The following CLCA1 variants were observed in gnomAD, a reference collection of about 807,000 sequenced individuals.
CLCA1 encodes calcium-activated chloride channel regulator 1.
CLCA1 carries 59 observed loss-of-function variants against 85.6 expected under a neutral mutation model. The ratio of observed to expected loss-of-function variants is 0.69; its 90% CI spans 0.56 to 0.86. The LOEUF (loss-of-function observed/expected upper bound fraction) is 0.86, where lower values mean the gene tolerates loss of function less well. Ranked by LOEUF, CLCA1 falls within the 40% of genes least tolerant of loss-of-function variation. CLCA1 has a pLI of 0.00. For missense variants in CLCA1, 1,022 were observed against 1,101.4 expected (o/e 0.93, Z 1.02); for synonymous variants, 396 against 398.3 (o/e 0.99, Z 0.07).
At chr1:86,476,720 A>G (rs1227709761) in intron 4 of CLCA1, among the ~76,000 whole-genome samples, 167 bp downstream of exon 4, 1 of 152,082 alleles carries the variant, frequency 6.6e-6, no homozygotes, top group Non-Finnish European at 1.5e-5. Context: ...TGTTTACTTT[A>G]CAAGTGCTTC....
intron 2 of CLCA1, 55 bp from the exon 3 acceptor site, chr1:86,473,674 G>A: frequency 6.6e-7 from 1 of 1,509,166 alleles, no homozygotes; most frequent in Non-Finnish European, 9.0e-7. Context: ...GTACGAATAT[G>A]GTTAATTCAT....
chr1:86,476,920 C>CA (rs1647651595), intron 4 of CLCA1, among the ~76,000 whole-genome samples: 1 of 151,996 alleles, frequency 6.6e-6, no homozygotes, highest in Non-Finnish European at 1.5e-5. Flanking sequence ...ATAATATCTT[C>CA]TTTTTTTGAG....
At position 86,482,291 on chromosome 1, in the gene CLCA1, T is replaced by C; in HGVS notation, c.644T>C (p.Val215Ala). Reference protein sequence around the residue: ...CYTKRCTFNKVTGLYEKGCEF... With the variant: ...CYTKRCTFNKATGLYEKGCEF... Reference sequence around the variant, plus strand: ...ACCAAAAGATGCACATTCAATAAAGTAACAGGACTCTATGAAAAAGGATGT... The same window carrying C: ...ACCAAAAGATGCACATTCAATAAAGCAACAGGACTCTATGAAAAAGGATGT... Residue 215 changes from valine to alanine, a missense_variant, in exon 5 of 14, where the codon GTA (valine) becomes GCA (alanine). By Grantham distance (64) the Val-to-Ala change is moderately conservative. Coordinates refer to ENST00000394711, the MANE Select transcript of CLCA1 (RefSeq NM_001285.4). The C allele has an allele frequency of 6.2e-7, 1 of 1,613,986 alleles. No homozygotes were observed. Among genetic ancestry groups the C allele is most frequent in the Middle Eastern group, 1.6e-4 (1 of 6,062 alleles).
chr1:86,472,388 G>A lies in CLCA1; in HGVS notation c.163-1029G>A, dbSNP rs545678496. On this transcript the variant is annotated intron_variant, in intron 1 of 13. Coordinates refer to ENST00000394711, the MANE Select transcript of CLCA1 (RefSeq NM_001285.4). ...CCACAGCTCCTCATTTCCTCTGCAG[G>A]CACTGACTGCCCTTCTGAGGCCCCT... is the stretch of plus-strand genomic sequence containing the variant. Among the ~76,000 whole-genome samples, 12 of 152,210 alleles carry A rather than the reference G, an allele frequency of 7.9e-5. No homozygotes were observed. The South Asian group carries it at 1.5e-3, about 18-fold the overall frequency.
At chr1:86,487,685 C>A (rs576366040) in intron 7 of CLCA1, among the ~76,000 whole-genome samples, 110 of 152,246 alleles carry the variant, frequency 7.2e-4, no homozygotes, top group African/African-American at 2.6e-3. Context: ...CCTCCACTGA[C>A]TCAGCCCCAC....
intron 5 of CLCA1, among the ~76,000 whole-genome samples, chr1:86,482,891 T>G (rs5744354): frequency 0.1 from 15,236 of 152,236 alleles, 821 homozygotes; most frequent in Non-Finnish European, 0.11. Flanking sequence ...AATTCTTAAT[T>G]TTTTTAATGA....
Position 86,498,701 on chromosome 1 carries a change from C to A in CLCA1, c.2243C>A (p.Pro748His). 15 of 1,614,094 alleles carry A rather than the reference C, an allele frequency of 9.3e-6. No individual in the cohort carries two copies. Among genetic ancestry groups the A allele is most frequent in the Non-Finnish European group, 1.2e-5 (14 of 1,180,020 alleles). Residue 748 changes from proline to histidine, a missense_variant, in exon 13 of 14, where the codon CCT becomes CAT. By Grantham distance (77) the Pro-to-His change is moderately conservative. Transcript: ENST00000394711. The stretch of plus-strand genomic sequence containing the variant: ...TCTGATGTCCCAAATGCTCCCATAC[C>A]TGATCTCTTCCCACCTGGCCAAATC... ...VASDVPNAPIPDLFPPGQITD... is the reference protein window; with the variant it reads ...VASDVPNAPIHDLFPPGQITD...
Position 86,498,567 on chromosome 1 carries a change from T to A in CLCA1, c.2114-5T>A. 6.2e-7 allele frequency: 1 copy of A among 1,610,540 alleles called. No individual in the cohort carries two copies. The highest frequency in any genetic ancestry group is 8.5e-7 in the Non-Finnish European group (1 of 1,177,010). ...TACCATATTTTGAGTATTTTTTTAA[T>A]GCAGATGAAATACAATGGAATCCAC... On this transcript the variant is annotated splice_region_variant and splice_polypyrimidine_tract_variant and intron_variant, in intron 12 of 13. Coordinates refer to ENST00000394711, the MANE Select transcript of CLCA1 (RefSeq NM_001285.4).
In CLCA1 at chr1:86,472,710, A is replaced by G. The variant is rs181105401; in HGVS notation, c.163-707A>G. 1.2e-4 allele frequency among the ~76,000 whole-genome samples: 19 copies of G among 152,342 alleles called. No homozygotes were observed. In the East Asian group the frequency reaches 1.5e-3, roughly 12 times the overall value. On this transcript the variant is annotated intron_variant, in intron 1 of 13. Transcript: ENST00000394711. ...AAATATATAATTATGCTATTTTCTTATATCTCTTAGTACCACACTGCACAA... is the reference window on the plus strand; with the variant it reads ...AAATATATAATTATGCTATTTTCTTGTATCTCTTAGTACCACACTGCACAA...
intron 1 of CLCA1, among the ~76,000 whole-genome samples, chr1:86,470,970 C>G (rs1647484235): frequency 6.6e-6 from 1 of 152,168 alleles, no homozygotes; most frequent in Admixed American, 6.5e-5. Flanking sequence ...GCACCACTTC[C>G]ATCCACTGCA....
chr1:86,476,345 A>C (rs2101730248), intron 3 of CLCA1, 103 bp from the exon 4 acceptor site: 1 of 599,734 alleles, frequency 1.7e-6, no homozygotes, highest in South Asian at 2.4e-5. Flanking sequence ...TTAAAAAATT[A>C]ACACAGCAAA....
chr1:86,473,604 C>T, intron 2 of CLCA1, 47 bp downstream of exon 2: 2 of 1,508,562 alleles, frequency 1.3e-6, no homozygotes, highest in Non-Finnish European at 1.8e-6. Flanking sequence ...CTCCTGTAAC[C>T]AAGATTTTTT....
chr1:86,477,359 A>C (rs865880528), intron 4 of CLCA1, among the ~76,000 whole-genome samples: 1 of 152,228 alleles, frequency 6.6e-6, no homozygotes, highest in Non-Finnish European at 1.5e-5. Flanking sequence ...ATATCAAAGC[A>C]AAACAGAAAC....
Position 86,500,117 on chromosome 1 carries a change from T to C in CLCA1, c.*72T>C, listed in dbSNP as rs1648417112. The stretch of plus-strand genomic sequence containing the variant: ...TTTGATTATAAAATTTTCTAAAATG[T>C]ATTTTAGACTTCCTGTAGGGGGCGA... On this transcript the variant is annotated 3_prime_UTR_variant, in exon 14 of 14. Transcript: ENST00000394711. 39 of 984,218 alleles carry C rather than the reference T, an allele frequency of 4.0e-5. 1 individual carries two copies. In the South Asian group the frequency reaches 6.1e-4, roughly 15 times the overall value. 61.0% of individuals were successfully genotyped at this position (984,218 alleles called of 1,614,324 possible). A position where few individuals can be genotyped will look rare whatever the true frequency, so the allele number is the denominator to read the frequency against.
chr1:86,474,551 A>C (rs957966523), intron 3 of CLCA1, among the ~76,000 whole-genome samples: 6 of 128,858 alleles, frequency 4.7e-5, no homozygotes, highest in South Asian at 2.8e-4. Context: ...GAGACTCCGT[A>C]TCAAAAAAAA....
At chr1:86,482,574 G>T (rs1371433938) in intron 5 of CLCA1, among the ~76,000 whole-genome samples, 192 bp downstream of exon 5, 1 of 152,104 alleles carries the variant, frequency 6.6e-6, no homozygotes, top group Non-Finnish European at 1.5e-5. Flanking sequence ...TCGTGTCCAC[G>T]CTTTCTTCTC....
At chr1:86,469,357 T>C (rs922647429) in intron 1 of CLCA1, among the ~76,000 whole-genome samples, 8 of 152,242 alleles carry the variant, frequency 5.3e-5, no homozygotes, top group Non-Finnish European at 7.3e-5. Context: ...GATATACTGT[T>C]GGCAACTGAT....
chr1:86,492,522 T>A (rs1321692), intron 9 of CLCA1, among the ~76,000 whole-genome samples: 114,627 of 152,142 alleles, frequency 0.75, 43,375 homozygotes, highest in South Asian at 0.81. Context: ...CTTTCTCCAC[T>A]TGCCAGCTTG....
At chr1:86,495,797 T>A in intron 12 of CLCA1, 122 bp downstream of exon 12, 1 of 939,536 alleles carries the variant, frequency 1.1e-6, no homozygotes, top group Non-Finnish European at 1.5e-6. Context: ...TTGGCATTAT[T>A]AAGATTTTGA....
Sources: allele counts gnomAD v4.1 joint callset (sites outside exome capture counted in the v4.1 genomes callset), GRCh38; gene constraint gnomAD v4.1.1; transcripts MANE v1.5; gene names NCBI Gene and HGNC (gene_info 2026-07-23, HGNC 2026-07-21).